NEBL: variants seen among roughly 807,000 people sequenced by gnomAD.
NEBL encodes LIM and SH3 protein 2.
Under a neutral mutation model 140.2 loss-of-function variants are expected in NEBL, and 122 were observed. The ratio of observed to expected loss-of-function variants is 0.87; its 90% confidence interval spans 0.75 to 1.01. The LOEUF (loss-of-function observed/expected upper bound fraction) is 1.01. NEBL is among the 50% of genes least tolerant of loss of function. The pLI, the probability that NEBL is intolerant of heterozygous loss-of-function variation, is 0.00. For missense variants in NEBL, 1,365 were observed against 1,231.3 expected (o/e 1.11, Z -1.62); for synonymous variants, 436 against 398.9 (o/e 1.09, Z -1.11).
intron 8 of NEBL, 60 bp downstream of exon 8, chr10:20,859,653 T>G (rs899780860): frequency 2.4e-5 from 27 of 1,138,890 alleles, no homozygotes; most frequent in Non-Finnish European, 3.0e-5. Context: ...ACACAGTCGA[T>G]TCTAAAAAAA....
Position 20,826,535 on chromosome 10 carries a change from A to T in NEBL, c.1781T>A (p.Phe594Tyr). 2 of 1,604,472 alleles carry T rather than the reference A, an allele frequency of 1.2e-6. No homozygotes were observed. Among genetic ancestry groups the T allele is most frequent in the South Asian group, 1.1e-5 (1 of 90,846 alleles). Reference protein sequence around the residue: ...KTTQQNISAVFYKKEVGAGTA... With the variant: ...KTTQQNISAVYYKKEVGAGTA... Reference sequence around the variant, plus strand: ...GCCAGCTCCCACTTCTTTCTTATAAAATACCTTTATTATAAGAAAAGGAAA... The same window carrying T: ...GCCAGCTCCCACTTCTTTCTTATAATATACCTTTATTATAAGAAAAGGAAA... Residue 594 changes from phenylalanine (F) to tyrosine (Y), a missense_variant, in exon 18 of 28, where the codon TTT (phenylalanine) becomes TAT (tyrosine). Around this residue, in one of 2 missense-constraint regions of NEBL, gnomAD observed 1,323 missense variants for 1,154.8 expected, o/e 1.15. Transcript: ENST00000377122.
intron 2 of NEBL, among the ~76,000 whole-genome samples, chr10:21,057,919 G>A (rs1008786373): frequency 2.0e-5 from 3 of 151,904 alleles, no homozygotes; most frequent in African/African-American, 4.8e-5. Context: ...TTGCATTTCC[G>A]AATTTCATCA....
intron 3 of NEBL, among the ~76,000 whole-genome samples, chr10:21,206,964 CT>C (rs1308427622): frequency 7.5e-6 from 1 of 133,140 alleles, no homozygotes; most frequent in East Asian, 2.2e-4. Context: ...TTTTCTTTTT[CT>C]TTCTTTTTTT....
rs186316311 is a variant in NEBL at position 21,292,244 on chromosome 10, C to T, written n.182+586G>A. Among the ~76,000 whole-genome samples, 24 of 152,262 alleles carry T rather than the reference C, an allele frequency of 1.6e-4. No homozygotes were observed. The East Asian group carries it at 4.6e-3, about 29-fold the overall frequency. On this transcript the variant is annotated intron_variant and non_coding_transcript_variant, in intron 1 of 8. Coordinates refer to the NEBL transcript ENST00000675702. The stretch of plus-strand genomic sequence containing the variant: ...TATTTTGTATAAAAGTTACATGCTT[C>T]CCAAGATCACGTTTTAATTAACAAA...
chr10:21,227,851 TTTC>T lies in NEBL; in HGVS notation n.348+20067_348+20069del, dbSNP rs140137423. Among the ~76,000 whole-genome samples, 544 of 151,594 alleles carry T rather than the reference TTTC, an allele frequency of 3.6e-3. 6 individuals are homozygous for T. Among genetic ancestry groups the T allele is most frequent in the African/African-American group, 0.012 (481 of 41,304 alleles). On this transcript the variant is annotated intron_variant and non_coding_transcript_variant, in intron 3 of 8. Coordinates refer to the NEBL transcript ENST00000675702. Reference sequence around the variant, plus strand: ...TCTTTCTTCTTCTTCTTTCTTCTTCTTTCTTCTTCTTCTTTTTATCTCAGGATA... The same window carrying T: ...TCTTTCTTCTTCTTCTTTCTTCTTCTTTCTTCTTCTTTTTATCTCAGGATA...
chr10:21,260,186 G>A (rs1842720311), intron 1 of NEBL, among the ~76,000 whole-genome samples: 1 of 152,202 alleles, frequency 6.6e-6, no homozygotes, highest in Non-Finnish European at 1.5e-5. Flanking sequence ...GCCCTAGAAT[G>A]AAACAGCTCA....
chr10:21,179,228 C>T (rs1009681750), upstream of NEBL, among the ~76,000 whole-genome samples: 2 of 152,184 alleles, frequency 1.3e-5, no homozygotes, highest in African/African-American at 2.4e-5. Flanking sequence ...GCTGCCTCAT[C>T]GTTATTTGGG....
intron 4 of NEBL, among the ~76,000 whole-genome samples, chr10:20,935,786 A>G (rs1834450293): frequency 6.6e-6 from 1 of 152,208 alleles, no homozygotes; most frequent in Non-Finnish European, 1.5e-5. Flanking sequence ...ATTGCAAAAT[A>G]GCTCATTTGT....
chr10:21,243,702 C>A (rs1297520411), intron 3 of NEBL, among the ~76,000 whole-genome samples: 4 of 152,140 alleles, frequency 2.6e-5, no homozygotes, highest in African/African-American at 9.7e-5. Context: ...GCTTTATCCC[C>A]ATGAGGTAGG....
At chr10:21,098,444 C>T (rs1837305995) in intron 2 of NEBL, among the ~76,000 whole-genome samples, 2 of 152,112 alleles carry the variant, frequency 1.3e-5, no homozygotes. Context: ...CTCAGGAAAC[C>T]CAATGGTATT....
chr10:21,232,078 C>G (rs1842272544), intron 3 of NEBL, among the ~76,000 whole-genome samples: 1 of 152,150 alleles, frequency 6.6e-6, no homozygotes, highest in Non-Finnish European at 1.5e-5. Flanking sequence ...TTAAGTCACA[C>G]TTCCCTACGC....
chr10:21,128,308 T>G (rs1242975489), intron 2 of NEBL, among the ~76,000 whole-genome samples: 2 of 152,210 alleles, frequency 1.3e-5, no homozygotes, highest in Non-Finnish European at 2.9e-5. Context: ...AATAATCTTA[T>G]AGATTACAGT....
intron 2 of NEBL, among the ~76,000 whole-genome samples, chr10:21,117,988 C>T (rs1230179094): frequency 6.6e-6 from 1 of 152,092 alleles, no homozygotes; most frequent in Non-Finnish European, 1.5e-5. Context: ...ACACAGAAAA[C>T]ATTGAACATC....
chr10:21,173,725 G>A lies in NEBL; in HGVS notation c.69+40C>T. ...CTTCTCGAAGCAGGTGCAGCCCCTCGCCCGGCAGGTCCAGGCTGGCCCGGC... is the reference window on the plus strand; with the variant it reads ...CTTCTCGAAGCAGGTGCAGCCCCTCACCCGGCAGGTCCAGGCTGGCCCGGC... On this transcript the variant is annotated intron_variant, in intron 1 of 6. Transcript: ENST00000417816. This position sits in a 1 kb window ranked among gnomAD's most constrained non-coding sequence, Gnocchi z 5.7. 5 of 1,611,154 alleles carry A rather than the reference G, an allele frequency of 3.1e-6. No homozygotes were observed. Among genetic ancestry groups the A allele is most frequent in the Non-Finnish European group, 4.2e-6 (5 of 1,179,640 alleles).
chr10:20,781,858 C>G lies in NEBL; in HGVS notation c.*3889G>C, dbSNP rs1835056738. 1 of 152,574 alleles carries G rather than the reference C, an allele frequency of 6.6e-6. No homozygotes were observed. The highest frequency in any genetic ancestry group is 1.5e-5 in the Non-Finnish European group (1 of 68,016). The allele number at this position is 152,574 out of a possible 1,614,324, so 9.5% of individuals were successfully genotyped here. A position where few individuals can be genotyped will look rare whatever the true frequency, so the allele number is the denominator to read the frequency against. On this transcript the variant is annotated 3_prime_UTR_variant, in exon 28 of 28. Transcript: ENST00000377122. ...AGCTTCTTACTTAACTAAAAGCTCT[C>G]CCACCTCCATATCACCTTAACCAAA...
At chr10:21,195,207 A>T (rs775591619) in intron 3 of NEBL, among the ~76,000 whole-genome samples, 25 of 152,236 alleles carry the variant, frequency 1.6e-4, no homozygotes, top group Non-Finnish European at 3.2e-4. Context: ...GTCAGTAGAT[A>T]CAGTCATCCT....
Position 21,271,546 on chromosome 10 carries a change from G to A in NEBL, n.183-19718C>T, listed in dbSNP as rs542976412. ...CAGATCTTTTTTTTTTTTTTTTCTA[G>A]ATGGAGTTCCACTTTGTCATCCAGG... On this transcript the variant is annotated intron_variant and non_coding_transcript_variant, in intron 1 of 8. Transcript: ENST00000675702. 2.1e-3 allele frequency among the ~76,000 whole-genome samples: 293 copies of A among 142,260 alleles called. 2 individuals carry two copies. The highest frequency in any genetic ancestry group is 7.0e-3 in the African/African-American group (269 of 38,424). The allele number at this position is 142,260 out of a possible 152,430, so 93.3% of individuals were successfully genotyped here.
chr10:21,146,430 C>A, intron 2 of NEBL: 2 of 1,613,694 alleles, frequency 1.2e-6, no homozygotes, highest in Non-Finnish European at 1.7e-6. Flanking sequence ...CTCATATAAG[C>A]TAGAGGACAG....
At chr10:20,859,554 C>A (rs540917644) in intron 8 of NEBL, among the ~76,000 whole-genome samples, 159 bp downstream of exon 8, 3 of 151,840 alleles carry the variant, frequency 2.0e-5, no homozygotes, top group Non-Finnish European at 1.5e-5. Context: ...AAATTAATTA[C>A]AATAATATAT....
Sources: allele counts gnomAD v4.1 joint callset (sites outside exome capture counted in the v4.1 genomes callset), GRCh38; gene constraint gnomAD v4.1.1; regional missense constraint gnomAD v4.1.1; non-coding constraint Gnocchi (gnomAD v3.1); transcripts MANE v1.5; gene names NCBI Gene and HGNC (gene_info 2026-07-23, HGNC 2026-07-21).